CTIF: variants seen among roughly 807,000 people sequenced by gnomAD.
CTIF encodes the protein cap binding complex dependent translation initiation factor.
In CTIF, 21 loss-of-function variants were observed where a neutral mutation model predicts 66.0. That is an observed-to-expected ratio of 0.32 (90% CI 0.23 to 0.46). The LOEUF (loss-of-function observed/expected upper bound fraction) is 0.46. CTIF is among the 20% of genes least tolerant of loss of function. The pLI, the probability that CTIF is intolerant of heterozygous loss-of-function variation, is 1.00. For missense variants in CTIF, 739 were observed against 812.7 expected, an observed-to-expected ratio of 0.91 and a Z score of 1.10; for synonymous variants, 345 against 326.4, an observed-to-expected ratio of 1.06 and a Z score of -0.62.
intron 11 of CTIF, among the ~76,000 whole-genome samples, chr18:48,858,542 C>G (rs912651526): frequency 1.3e-5 from 2 of 152,076 alleles, no homozygotes; most frequent in African/African-American, 4.8e-5. Context: ...TCAGGAAGGG[C>G]TCAGGGGTTC....
rs371483173 is a variant in CTIF, at chr18:48,695,218, C to T, written c.508-16401C>T. ...TTCAGTGCTGGAATTGTTTACAGAG[C>T]GAGTGCCCACCACAATTGGGGCTAA... is the stretch of plus-strand genomic sequence containing the variant. On this transcript the variant is annotated intron_variant, in intron 6 of 11. Coordinates refer to ENST00000256413, the MANE Select transcript of CTIF (RefSeq NM_014772.3). 9.2e-5 allele frequency among the ~76,000 whole-genome samples: 14 copies of T among 152,298 alleles called. No homozygotes were observed. In the South Asian group the frequency reaches 1.9e-3, roughly 20 times the overall value.
chr18:48,833,016 TAGTC>T (rs1279033736), intron 10 of CTIF, among the ~76,000 whole-genome samples: 3 of 152,176 alleles, frequency 2.0e-5, no homozygotes, highest in African/African-American at 4.8e-5. Context: ...TTGGAAATGT[TAGTC>T]AGAGGAGAGT....
intron 6 of CTIF, among the ~76,000 whole-genome samples, chr18:48,689,861 A>G (rs2091900563): frequency 6.6e-6 from 1 of 152,208 alleles, no homozygotes; most frequent in South Asian, 2.1e-4. Context: ...AGGCACTTGT[A>G]AAGCTCCCCG....
At chr18:48,619,823 T>G in intron 2 of CTIF, 78 bp downstream of exon 2, 6 of 1,334,408 alleles carry the variant, frequency 4.5e-6, no homozygotes, top group Non-Finnish European at 4.0e-6. Flanking sequence ...CTGGGCAGCA[T>G]CCAGTTGCCT....
intron 1 of CTIF, among the ~76,000 whole-genome samples, chr18:48,600,226 G>T (rs1488641514): frequency 6.6e-6 from 1 of 152,094 alleles, no homozygotes; most frequent in Non-Finnish European, 1.5e-5. Flanking sequence ...GGGAGCTGGG[G>T]CTGACACAGG....
intron 1 of CTIF, among the ~76,000 whole-genome samples, chr18:48,563,884 T>C (rs2143512301): frequency 6.6e-6 from 1 of 152,282 alleles, no homozygotes; most frequent in Middle Eastern, 3.4e-3. Context: ...GGTGCTTCCC[T>C]CTTGCTTGTG....
intron 7 of CTIF, among the ~76,000 whole-genome samples, chr18:48,713,120 T>C (rs987042475): frequency 6.6e-5 from 10 of 152,154 alleles, no homozygotes; most frequent in African/African-American, 2.4e-4. Flanking sequence ...AAATTCCTGG[T>C]TTCTGGGTTC....
intron 10 of CTIF, among the ~76,000 whole-genome samples, chr18:48,846,472 T>G (rs1225990166): frequency 6.6e-6 from 1 of 151,830 alleles, no homozygotes; most frequent in Admixed American, 6.6e-5. Context: ...GATGAGTAGA[T>G]GGGTAGATAG....
chr18:48,625,642 C>G (rs1344656196), intron 2 of CTIF, among the ~76,000 whole-genome samples: 2 of 152,144 alleles, frequency 1.3e-5, no homozygotes, highest in Non-Finnish European at 2.9e-5. Context: ...CAATAACTTG[C>G]ATTTTTCACC....
intron 9 of CTIF, among the ~76,000 whole-genome samples, chr18:48,807,717 T>C (rs1273299212): frequency 7.9e-5 from 12 of 151,882 alleles, no homozygotes; most frequent in Non-Finnish European, 1.6e-4. Flanking sequence ...GTAGCTGGGA[T>C]TATAGGTATG....
intron 7 of CTIF, among the ~76,000 whole-genome samples, chr18:48,742,369 C>A (rs2092562131): frequency 1.3e-5 from 2 of 152,176 alleles, no homozygotes; most frequent in Admixed American, 1.3e-4. Flanking sequence ...TCTTGAGGCT[C>A]CCCAGAGGGC....
chr18:48,691,975 G>A (rs1262384919), intron 6 of CTIF, among the ~76,000 whole-genome samples: 2 of 152,146 alleles, frequency 1.3e-5, no homozygotes, highest in Non-Finnish European at 2.9e-5. Flanking sequence ...TCTGTCTCCC[G>A]GGTTCAAGCA....
intron 6 of CTIF, among the ~76,000 whole-genome samples, chr18:48,707,646 C>T (rs553853413): frequency 1.2e-4 from 18 of 151,892 alleles, no homozygotes; most frequent in South Asian, 2.1e-4. Context: ...TTTTTTTCTT[C>T]CTCTGAACAC....
intron 7 of CTIF, among the ~76,000 whole-genome samples, chr18:48,747,559 T>C (rs1469894516): frequency 1.3e-5 from 2 of 152,108 alleles, no homozygotes; most frequent in African/African-American, 4.8e-5. Context: ...GCCCAGGCCT[T>C]GAAGTGAAAC....
At chr18:48,829,299 C>A (rs2068643391) in intron 10 of CTIF, among the ~76,000 whole-genome samples, 1 of 152,148 alleles carries the variant, frequency 6.6e-6, no homozygotes, top group Non-Finnish European at 1.5e-5. Flanking sequence ...AGTTTCCCAG[C>A]AGGTGGATGG....
intron 5 of CTIF, among the ~76,000 whole-genome samples, chr18:48,667,082 G>GACACACACACACACACACACACAC (rs4044188): frequency 1.1e-4 from 16 of 142,180 alleles, no homozygotes; most frequent in African/African-American, 2.9e-4. Flanking sequence ...CAGGAAAGTA[G>GACACACACACACACACACACACAC]ACACACACAC....
intron 6 of CTIF, among the ~76,000 whole-genome samples, chr18:48,710,437 C>T (rs2092211420): frequency 6.6e-6 from 1 of 152,222 alleles, no homozygotes; most frequent in Non-Finnish European, 1.5e-5. Context: ...ACCACTCCCT[C>T]CCACTTGACT....
At chr18:48,675,602 G>A (rs2091615213) in intron 6 of CTIF, among the ~76,000 whole-genome samples, 2 of 152,236 alleles carry the variant, frequency 1.3e-5, no homozygotes, top group African/African-American at 4.8e-5. Context: ...GCAGCAAGTG[G>A]GAGGATGGCG....
At chr18:48,544,499 C>T (rs766652530) in intron 1 of CTIF, among the ~76,000 whole-genome samples, 2 of 152,204 alleles carry the variant, frequency 1.3e-5, no homozygotes, top group Non-Finnish European at 2.9e-5. Flanking sequence ...CTTCCCAGAG[C>T]TTCTTAATGC....
Sources: allele counts gnomAD v4.1 joint callset (sites outside exome capture counted in the v4.1 genomes callset), GRCh38; gene constraint gnomAD v4.1.1; transcripts MANE v1.5; gene names NCBI Gene and HGNC (gene_info 2026-07-23, HGNC 2026-07-21).